The following GRIK2 variants were observed in gnomAD, a reference collection of about 807,000 sequenced individuals.
GRIK2 encodes glutamate ionotropic receptor kainate type subunit 2.
A neutral mutation model predicts 100.3 loss-of-function variants in GRIK2; 32 were observed. That is an observed-to-expected ratio of 0.32 (90% CI 0.24 to 0.43). The LOEUF (loss-of-function observed/expected upper bound fraction) is 0.43, where lower values mean the gene tolerates loss of function less well. Among genes scored for constraint, GRIK2 ranks in the 20% least tolerant of loss-of-function variants. GRIK2 has a pLI of 1.00. For missense variants in GRIK2, 843 were observed against 1,114.9 expected (o/e 0.76, Z 3.47); for synonymous variants, 417 against 389.4 (o/e 1.07, Z -0.83).
intron 12 of GRIK2, among the ~76,000 whole-genome samples, chr6:101,923,533 T>G (rs1789687955): frequency 6.6e-6 from 1 of 152,230 alleles, no homozygotes; most frequent in Non-Finnish European, 1.5e-5. Context: ...ATTTGATTTT[T>G]TAAATCTTAA....
intron 5 of GRIK2, among the ~76,000 whole-genome samples, chr6:101,680,005 T>C (rs376451471): frequency 6.6e-6 from 1 of 152,206 alleles, no homozygotes; most frequent in Non-Finnish European, 1.5e-5. Flanking sequence ...CCCAAAGTGC[T>C]GGGATTACAG....
intron 12 of GRIK2, among the ~76,000 whole-genome samples, chr6:101,913,042 G>C (rs192492300): frequency 1.2e-3 from 189 of 151,658 alleles, no homozygotes; most frequent in African/African-American, 4.3e-3. Flanking sequence ...CAGTAAGATT[G>C]ATTCCATCAG....
At chr6:101,961,526 C>A (rs1792300405) in intron 14 of GRIK2, among the ~76,000 whole-genome samples, 1 of 152,164 alleles carries the variant, frequency 6.6e-6, no homozygotes, top group Non-Finnish European at 1.5e-5. Flanking sequence ...GTCCCCCTAT[C>A]CATCTTTGTT....
Position 101,711,282 on chromosome 6 carries a change from G to C in GRIK2, c.951+24929G>C, listed in dbSNP as rs1222952. Among the ~76,000 whole-genome samples the C allele has an allele frequency of 9.6e-3, 1,454 of 151,806 alleles. 17 individuals are homozygous for C. The highest frequency in any genetic ancestry group is 0.032 in the African/African-American group (1,338 of 41,466). On this transcript the variant is annotated intron_variant, in intron 7 of 16. Coordinates refer to ENST00000369134, the MANE Select transcript of GRIK2 (RefSeq NM_021956.5). ...AATGTAATGATGAAATTCACTGACT[G>C]TATAGTAAATATGTTGCCAAATATA...
chr6:101,950,221 A>G (rs1191928927), intron 14 of GRIK2, among the ~76,000 whole-genome samples: 2 of 150,904 alleles, frequency 1.3e-5, no homozygotes, highest in East Asian at 1.9e-4. Flanking sequence ...CTGGTAATAA[A>G]TCATTTTCTA....
At position 101,634,793 on chromosome 6, in the gene GRIK2, G is replaced by GA. The variant is rs141368564; in HGVS notation, c.541+8166dup. ...ACTAATTTCTATGATACGATCACAG[G>GA]AAAAAAAAAAGCCAAAGCTTTTATC... On this transcript the variant is annotated intron_variant, in intron 4 of 16. Coordinates refer to ENST00000369134, the MANE Select transcript of GRIK2 (RefSeq NM_021956.5). Among the ~76,000 whole-genome samples the GA allele has an allele frequency of 2.0e-3, 293 of 145,176 alleles. 5 individuals are homozygous for GA. In the East Asian group the frequency reaches 0.034, roughly 17 times the overall value.
At chr6:101,523,501 A>C (rs1365614494) in intron 2 of GRIK2, among the ~76,000 whole-genome samples, 3 of 152,160 alleles carry the variant, frequency 2.0e-5, no homozygotes. Context: ...AAAGCTAGGA[A>C]TATCCAGGAA....
chr6:101,856,443 A>G (rs1784430948), intron 10 of GRIK2, among the ~76,000 whole-genome samples: 1 of 152,224 alleles, frequency 6.6e-6, no homozygotes, highest in South Asian at 2.1e-4. Context: ...AAGACTTGCA[A>G]GAAGTGTGGG....
intron 7 of GRIK2, among the ~76,000 whole-genome samples, chr6:101,752,167 A>C (rs1447029881): frequency 1.3e-5 from 2 of 152,182 alleles, no homozygotes; most frequent in East Asian, 3.9e-4. Context: ...ACAAACTATA[A>C]ATAAATATAT....
chr6:102,045,965 TA>T (rs1480870568), intron 15 of GRIK2, among the ~76,000 whole-genome samples: 1 of 152,104 alleles, frequency 6.6e-6, no homozygotes, highest in Non-Finnish European at 1.5e-5. Context: ...AGATTCTTTT[TA>T]GCTTTAAGAG....
At chr6:101,563,048 T>A (rs1047857657) in intron 2 of GRIK2, among the ~76,000 whole-genome samples, 12 of 152,202 alleles carry the variant, frequency 7.9e-5, no homozygotes, top group African/African-American at 2.2e-4. Context: ...GGGCAGCTGC[T>A]CCTACCAGCT....
intron 14 of GRIK2, among the ~76,000 whole-genome samples, chr6:102,027,142 T>A (rs1769748600): frequency 6.6e-6 from 1 of 151,324 alleles, no homozygotes; most frequent in Admixed American, 6.6e-5. Context: ...GAATTATTAT[T>A]ATAGCACTAT....
At chr6:101,521,986 G>A (rs1169292693) in intron 2 of GRIK2, among the ~76,000 whole-genome samples, 1 of 152,002 alleles carries the variant, frequency 6.6e-6, no homozygotes, top group African/African-American at 2.4e-5. Flanking sequence ...AATTATTTCA[G>A]GCATTTGTTT....
intron 10 of GRIK2, among the ~76,000 whole-genome samples, chr6:101,858,886 C>T (rs112619568): frequency 1.3e-5 from 2 of 151,316 alleles, no homozygotes; most frequent in African/African-American, 4.9e-5. Context: ...AAACAGCATA[C>T]CAGATATTGA....
At chr6:101,492,212 A>G (rs1368060105) in intron 2 of GRIK2, among the ~76,000 whole-genome samples, 1 of 151,952 alleles carries the variant, frequency 6.6e-6, no homozygotes, top group African/African-American at 2.4e-5. Flanking sequence ...ACATCCTATA[A>G]TGATACTAAC....
chr6:101,867,204 C>G (rs1490553392), intron 11 of GRIK2, among the ~76,000 whole-genome samples: 8 of 151,896 alleles, frequency 5.3e-5, no homozygotes, highest in Non-Finnish European at 1.2e-4. Flanking sequence ...TACCTCCCCC[C>G]AACACACCAA....
chr6:102,069,842 G>T lies in GRIK2; in HGVS notation c.*1331G>T, dbSNP rs1468582434. 1 of 151,856 alleles carries T rather than the reference G, an allele frequency of 6.6e-6. No individual in the cohort carries two copies. Among genetic ancestry groups the T allele is most frequent in the Admixed American group, 6.6e-5 (1 of 15,196 alleles). 9.4% of individuals were successfully genotyped at this position (151,856 alleles called of 1,614,324 possible). A position where few individuals can be genotyped will look rare whatever the true frequency, so the allele number is the denominator to read the frequency against. ...TATCAAGAAAAAAGGAATCATAGAA[G>T]AGAAATATTTTCAAGTTAGATAATA... is the stretch of plus-strand genomic sequence containing the variant. On this transcript the variant is annotated 3_prime_UTR_variant, in exon 17 of 17. Coordinates refer to ENST00000369134, the MANE Select transcript of GRIK2 (RefSeq NM_021956.5).
intron 2 of GRIK2, among the ~76,000 whole-genome samples, chr6:101,437,729 A>G (rs146958944): frequency 6.6e-6 from 1 of 152,108 alleles, no homozygotes; most frequent in East Asian, 1.9e-4. Context: ...GTCAGCTATC[A>G]TCATTCCTCT....
intron 4 of GRIK2, among the ~76,000 whole-genome samples, chr6:101,654,625 G>A (rs1019771690): frequency 2.6e-5 from 4 of 152,114 alleles, no homozygotes; most frequent in Middle Eastern, 3.2e-3. Context: ...GATCCCATTT[G>A]GGAAGAAGTA....
Sources: gnomAD v4.1 joint callset for allele counts (sites outside exome capture counted in the v4.1 genomes callset) on GRCh38, gnomAD v4.1.1 for gene constraint, MANE v1.5 for transcripts, NCBI Gene and HGNC (gene_info 2026-07-23, HGNC 2026-07-21) for gene names.